Variants in EXOC4 observed in about 807,000 individuals in gnomAD.
The protein encoded by EXOC4 is SEC8-like 1.
EXOC4 carries 71 observed loss-of-function variants against 107.2 expected under a neutral mutation model. That is an observed-to-expected ratio of 0.66 (90% CI 0.55 to 0.81). EXOC4 has a LOEUF of 0.81. Among genes scored for constraint, EXOC4 ranks in the 30% least tolerant of loss-of-function variants. The probability of loss-of-function intolerance (pLI) is 0.00; values close to 1 mark genes in which losing one functional copy is unlikely to be tolerated. For synonymous variants in EXOC4, 456 were observed against 441.2 expected (o/e 1.03, Z -0.42); for missense variants, 1,108 against 1,189.6 (o/e 0.93, Z 1.01).
chr7:133,604,322 A>G (rs909953845), intron 9 of EXOC4, among the ~76,000 whole-genome samples: 5 of 152,220 alleles, frequency 3.3e-5, no homozygotes, highest in African/African-American at 4.8e-5. Context: ...TATCATAGTC[A>G]TTTATTATCA....
At chr7:133,563,721 T>C (rs1255400376) in intron 9 of EXOC4, among the ~76,000 whole-genome samples, 2 of 152,200 alleles carry the variant, frequency 1.3e-5, no homozygotes, top group South Asian at 2.1e-4. Flanking sequence ...TTTAGATACA[T>C]CTTAGATTAG....
At chr7:133,488,314 A>G (rs1172433812) in intron 9 of EXOC4, among the ~76,000 whole-genome samples, 1 of 152,176 alleles carries the variant, frequency 6.6e-6, no homozygotes, top group African/African-American at 2.4e-5. Context: ...ATTTTTAGTT[A>G]TAGAACTCTT....
chr7:133,853,143 C>G (rs1269647002), intron 11 of EXOC4, among the ~76,000 whole-genome samples: 1 of 152,132 alleles, frequency 6.6e-6, no homozygotes. Flanking sequence ...TCGAGGTCGT[C>G]TCCAGCTTCT....
At chr7:133,460,642 G>A (rs1798569359) in intron 7 of EXOC4, among the ~76,000 whole-genome samples, 1 of 151,738 alleles carries the variant, frequency 6.6e-6, no homozygotes, top group Non-Finnish European at 1.5e-5. Context: ...CCAAGCTGTC[G>A]ACAGGTATTT....
chr7:133,820,597 G>A (rs1328074381), intron 11 of EXOC4, among the ~76,000 whole-genome samples: 2 of 152,226 alleles, frequency 1.3e-5, no homozygotes, highest in East Asian at 3.8e-4. Flanking sequence ...GTGCGTGAAA[G>A]ATGCATGTGG....
the EXOC4 span, among the ~76,000 whole-genome samples, chr7:134,092,005 T>G: frequency 9.2e-5 from 14 of 152,224 alleles, no homozygotes; most frequent in Non-Finnish European, 2.1e-4. Context: ...TATATGCAAA[T>G]ATTCCAAAAT....
chr7:133,707,655 G>A (rs957122790), intron 10 of EXOC4, among the ~76,000 whole-genome samples: 11 of 151,428 alleles, frequency 7.3e-5, no homozygotes, highest in Non-Finnish European at 1.3e-4. Flanking sequence ...TCACTCCATC[G>A]CCCAGGTTGG....
chr7:133,884,620 T>TGTGCGC (rs942323507), intron 11 of EXOC4, among the ~76,000 whole-genome samples: 38 of 142,416 alleles, frequency 2.7e-4, no homozygotes, highest in South Asian at 1.3e-3. Flanking sequence ...TGTGTGTGTG[T>TGTGCGC]GCGCGCGTGT....
At chr7:134,051,113 A>G (rs1795775480) in intron 17 of EXOC4, among the ~76,000 whole-genome samples, 1 of 152,256 alleles carries the variant, frequency 6.6e-6, no homozygotes, top group Admixed American at 6.5e-5. Flanking sequence ...AGCAAAATTC[A>G]GTGGCTAGGG....
intron 9 of EXOC4, among the ~76,000 whole-genome samples, chr7:133,530,148 G>A (rs142565873): frequency 5.4e-4 from 82 of 152,300 alleles, no homozygotes; most frequent in African/African-American, 1.9e-3. Flanking sequence ...CTACACTGCC[G>A]AGGAATGGCA....
At chr7:133,425,566 C>T (rs576692316) in intron 7 of EXOC4, among the ~76,000 whole-genome samples, 2 of 152,216 alleles carry the variant, frequency 1.3e-5, no homozygotes, top group South Asian at 2.1e-4. Context: ...GGATTACAGG[C>T]GTGAGCCACC....
At chr7:133,717,504 A>G (rs1262556292) in intron 10 of EXOC4, among the ~76,000 whole-genome samples, 1 of 152,112 alleles carries the variant, frequency 6.6e-6, no homozygotes, top group African/African-American at 2.4e-5. Context: ...TTCTGCATAA[A>G]TTTTTTGAAT....
At chr7:133,999,842 C>T (rs1433326582) in intron 15 of EXOC4, among the ~76,000 whole-genome samples, 3 of 152,146 alleles carry the variant, frequency 2.0e-5, no homozygotes, top group African/African-American at 7.2e-5. Context: ...TCCTTAACCC[C>T]TATTCTGCCC....
intron 12 of EXOC4, among the ~76,000 whole-genome samples, chr7:133,908,263 T>C (rs1490832379): frequency 6.6e-6 from 1 of 152,248 alleles, no homozygotes; most frequent in Admixed American, 6.5e-5. Flanking sequence ...TGGTCACAGC[T>C]CATCTAGTCA....
chr7:133,656,407 G>GTA (rs1182123436), intron 10 of EXOC4, among the ~76,000 whole-genome samples: 2 of 151,880 alleles, frequency 1.3e-5, no homozygotes, highest in South Asian at 2.1e-4. Flanking sequence ...CTGTGTGTGT[G>GTA]TGTATATATA....
chr7:133,829,964 T>C (rs1279957465), intron 11 of EXOC4, among the ~76,000 whole-genome samples: 1 of 152,178 alleles, frequency 6.6e-6, no homozygotes, highest in East Asian at 1.9e-4. Context: ...TCCCTTTCTT[T>C]TTCTTCTTCA....
rs139338087 is a variant in EXOC4, at chr7:133,569,978, G to A, written c.1418-60067G>A. Among the ~76,000 whole-genome samples the A allele has an allele frequency of 3.3e-5, 5 of 152,210 alleles. No homozygotes were observed. The East Asian group carries it at 7.7e-4, about 24-fold the overall frequency. On this transcript the variant is annotated intron_variant, in intron 9 of 17. Transcript: ENST00000253861. ...CCACTAATTTTTATAAGATAATGGC[G>A]GAACGCAATAAAATATCACATAGTT...
At chr7:133,976,413 A>G (rs753678211) in intron 14 of EXOC4, among the ~76,000 whole-genome samples, 4 of 152,206 alleles carry the variant, frequency 2.6e-5, no homozygotes, top group Admixed American at 6.5e-5. Flanking sequence ...CAAGGGTGTT[A>G]AGGAAATTTG....
At chr7:133,823,858 T>A (rs1176172647) in intron 11 of EXOC4, among the ~76,000 whole-genome samples, 1 of 17,396 alleles carries the variant, frequency 5.7e-5, no homozygotes, top group African/African-American at 8.4e-4. Context: ...TATATATATA[T>A]ATATATATAT....
Sources: allele counts gnomAD v4.1 joint callset (sites outside exome capture counted in the v4.1 genomes callset), GRCh38; gene constraint gnomAD v4.1.1; transcripts MANE v1.5; gene names NCBI Gene and HGNC (gene_info 2026-07-23, HGNC 2026-07-21).